ESPN: variants seen among roughly 807,000 people sequenced by gnomAD.
ESPN encodes autosomal recessive deafness type 36 protein.
ESPN carries 68 observed loss-of-function variants against 77.7 expected under a neutral mutation model. That is an observed-to-expected ratio of 0.87 (90% CI 0.72 to 1.07). The LOEUF is 1.07. Ranked by LOEUF, ESPN falls within the 50% of genes least tolerant of loss-of-function variation. ESPN has a pLI of 0.00. For synonymous variants in ESPN, 449 were observed against 567.1 expected (o/e 0.79, Z 2.96); for missense variants, 1,060 against 1,239.0 (o/e 0.86, Z 2.17).
chr1:6,426,799 C>T (rs1284981381), intron 1 of ESPN, among the ~76,000 whole-genome samples: 1 of 152,150 alleles, frequency 6.6e-6, no homozygotes, highest in East Asian at 1.9e-4. Flanking sequence ...CAGCCCCGAC[C>T]TTTGGGCTCG....
At chr1:6,429,620 A>G (rs1643167749) in intron 2 of ESPN, among the ~76,000 whole-genome samples, 2 of 152,188 alleles carry the variant, frequency 1.3e-5, no homozygotes, top group South Asian at 4.1e-4. Context: ...CGGGACCAAT[A>G]TGGCCCAAGT....
intron 2 of ESPN, among the ~76,000 whole-genome samples, chr1:6,429,174 C>T (rs1168935231): frequency 6.6e-6 from 1 of 151,750 alleles, no homozygotes; most frequent in African/African-American, 2.4e-5. Context: ...CTGCCCAGGG[C>T]CTGTCTGAGA....
chr1:6,455,720 C>CTACG (rs1644043361), intron 10 of ESPN: 1 of 398,984 alleles, frequency 2.5e-6, no homozygotes, highest in Non-Finnish European at 4.4e-6. Context: ...ACCTACTGTG[C>CTACG]TACGAGATGT....
At chr1:6,444,745 GA>G in intron 6 of ESPN, 63 bp downstream of exon 6, 1 of 1,599,980 alleles carries the variant, frequency 6.3e-7, no homozygotes, top group African/African-American at 1.3e-5. Flanking sequence ...GCTGGGCTGT[GA>G]GGATTGGCCT....
chr1:6,441,229 G>C (rs1032152349), intron 5 of ESPN, among the ~76,000 whole-genome samples, 164 bp downstream of exon 5: 1 of 152,034 alleles, frequency 6.6e-6, no homozygotes, highest in African/African-American at 2.4e-5. Flanking sequence ...ACTGGGGACT[G>C]AGGGAGTAGA....
At chr1:6,449,435 CATGAGCTGGTGCTGGTGTTTCTG>C (rs1290810232) in intron 8 of ESPN, among the ~76,000 whole-genome samples, 2 of 152,218 alleles carry the variant, frequency 1.3e-5, no homozygotes, top group Non-Finnish European at 2.9e-5. Flanking sequence ...TGGTGTTTCC[CATGAGCTGGTGCTGGTGTTTCTG>C]ATGAGCTGGT....
At chr1:6,454,491 C>T (rs1372970898) in intron 10 of ESPN, 3 of 398,914 alleles carry the variant, frequency 7.5e-6, no homozygotes, top group Non-Finnish European at 1.3e-5. Context: ...CTCCCGCGAG[C>T]ACAACGCCAT....
In ESPN at chr1:6,440,741, G is replaced by A. The variant is rs759575804; in HGVS notation, c.791G>A (p.Gly264Glu). The A allele has an allele frequency of 4.3e-5, 67 of 1,543,744 alleles. No homozygotes were observed. The highest frequency in any genetic ancestry group is 5.5e-5 in the Non-Finnish European group (64 of 1,153,826). Residue 264 changes from glycine (G) to glutamate (E), a missense_variant, in exon 4 of 13, where the codon GGG (glycine) becomes GAG (glutamate). By Grantham distance (98) the Gly-to-Glu change is moderately conservative. This residue lies in a region of ESPN where 556 missense variants were observed against 633.6 expected (regional missense o/e 0.88). Transcript: ENST00000645284. ...KVLSWLLLHG[G>E]EISADLWGGT... ...CTCAGCTGGCTGCTGCTGCACGGCG[G>A]GGAGATCTCGGCTGACCTGTGGGGC...
chr1:6,425,679 G>T (rs1031666095), intron 1 of ESPN, among the ~76,000 whole-genome samples: 2 of 152,252 alleles, frequency 1.3e-5, no homozygotes, highest in African/African-American at 4.8e-5. Flanking sequence ...TGAGATTCAG[G>T]TGTCCCAGCC....
At chr1:6,435,116 G>A (rs993046669) in intron 2 of ESPN, among the ~76,000 whole-genome samples, 16 of 152,132 alleles carry the variant, frequency 1.1e-4, no homozygotes, top group African/African-American at 3.9e-4. Flanking sequence ...CCTGGGCCAG[G>A]CCTACTCGGG....
At chr1:6,441,331 T>C (rs910185365) in intron 5 of ESPN, among the ~76,000 whole-genome samples, 3 of 152,188 alleles carry the variant, frequency 2.0e-5, no homozygotes, top group African/African-American at 7.2e-5. Flanking sequence ...CCACTGGGAA[T>C]AGGCAGGCTC....
At chr1:6,435,498 A>G (rs1033021999) in intron 2 of ESPN, among the ~76,000 whole-genome samples, 1 of 152,264 alleles carries the variant, frequency 6.6e-6, no homozygotes, top group African/African-American at 2.4e-5. Context: ...CCCAGGAGAA[A>G]GAAAACAAAT....
At chr1:6,454,840 C>T (rs1006500320) in intron 10 of ESPN, 5 of 394,816 alleles carry the variant, frequency 1.3e-5, no homozygotes, top group African/African-American at 2.1e-5. Context: ...CAGCCGCTGG[C>T]GCCGCTGCCC....
At chr1:6,444,369 T>C in intron 5 of ESPN, 112 bp from the exon 6 acceptor site, 1 of 1,002,492 alleles carries the variant, frequency 1.0e-6, no homozygotes, top group South Asian at 1.4e-5. Flanking sequence ...CAGAGAGCGG[T>C]GTGGCTTGGC....
Position 6,451,789 on chromosome 1 carries a change from G to T in ESPN, c.2061+41G>T, listed in dbSNP as rs1360636891. 8 of 1,610,158 alleles carry T rather than the reference G, an allele frequency of 5.0e-6. No homozygotes were observed. The highest frequency in any genetic ancestry group is 6.8e-6 in the Non-Finnish European group (8 of 1,179,022). ...AGGAGCCTGCGACCCGGCTTCCCTG[G>T]CCCTAGGCCACCGGGCGCTCAGCCC... On this transcript the variant is annotated intron_variant, in intron 9 of 12. Transcript: ENST00000645284. The surrounding 1 kb of genome is among the most constrained non-coding windows in gnomAD (Gnocchi z 4.3).
intron 6 of ESPN, among the ~76,000 whole-genome samples, chr1:6,445,089 A>G (rs911147029): frequency 6.7e-6 from 1 of 150,256 alleles, no homozygotes; most frequent in Non-Finnish European, 1.5e-5. Context: ...TCCATACTAC[A>G]GATATGCACG....
In ESPN at chr1:6,451,699, G is replaced by C; in HGVS notation, c.2012G>C (p.Ser671Thr). The change falls in exon 9 of 13, where the codon AGC (serine) becomes ACC (threonine). Residue 671 changes from serine to threonine, a missense_variant. Physicochemically the swap from Ser to Thr is moderately conservative, Grantham distance 58. Around this residue, in one of 3 missense-constraint regions of ESPN, gnomAD observed 374 missense variants for 381.4 expected, o/e 0.98. Transcript: ENST00000645284. The surrounding 1 kb of genome is among the most constrained non-coding windows in gnomAD (Gnocchi z 4.3). ...AAGAGCCTGAAGCCGACGCCCCAGA[G>C]CAAGGGGCTGACCACAGTGTTCTCA... is the stretch of plus-strand genomic sequence containing the variant. ...AGKSLKPTPQ[S>T]KGLTTVFSGI... 6.2e-7 allele frequency: 1 copy of C among 1,612,958 alleles called. No individual in the cohort carries two copies. The highest frequency in any genetic ancestry group is 2.2e-5 in the East Asian group (1 of 44,894).
intron 10 of ESPN, chr1:6,454,382 T>C (rs1374013571): frequency 2.5e-6 from 1 of 398,756 alleles, no homozygotes; most frequent in Non-Finnish European, 4.4e-6. Flanking sequence ...CGGCGGGAGC[T>C]AGGCCAGAGG....
In ESPN at chr1:6,450,894, T is replaced by C. The variant is rs1053425813; in HGVS notation, c.1916-709T>C. Among the ~76,000 whole-genome samples, 1 of 152,194 alleles carries C rather than the reference T, an allele frequency of 6.6e-6. No individual in the cohort carries two copies. Among genetic ancestry groups the C allele is most frequent in the Non-Finnish European group, 1.5e-5 (1 of 68,030 alleles). Reference sequence around the variant, plus strand: ...CAAATCTCCATTTGCCTCCTCTGGCTAAGCTGGAAAATGCACACTCTGCCC... The same window carrying C: ...CAAATCTCCATTTGCCTCCTCTGGCCAAGCTGGAAAATGCACACTCTGCCC... On this transcript the variant is annotated intron_variant, in intron 8 of 12. Transcript: ENST00000645284. This position sits in a 1 kb window ranked among gnomAD's most constrained non-coding sequence, Gnocchi z 4.3.
Sources: allele counts gnomAD v4.1 joint callset (sites outside exome capture counted in the v4.1 genomes callset), GRCh38; gene constraint gnomAD v4.1.1; regional missense constraint gnomAD v4.1.1; non-coding constraint Gnocchi (gnomAD v3.1); transcripts MANE v1.5; gene names NCBI Gene and HGNC (gene_info 2026-07-23, HGNC 2026-07-21).